ASIC2: variants seen among roughly 807,000 people sequenced by gnomAD.
ASIC2 encodes the protein acid sensing ion channel subunit 2.
Under a neutral mutation model 57.3 loss-of-function variants are expected in ASIC2, and 25 were observed. The ratio of observed to expected loss-of-function variants is 0.44; its 90% confidence interval spans 0.32 to 0.61. The LOEUF is 0.61. Ranked by LOEUF, ASIC2 falls within the 20% of genes least tolerant of loss-of-function variation. The pLI is 0.06. For synonymous variants in ASIC2, 319 were observed against 307.5 expected (o/e 1.04, Z -0.39); for missense variants, 641 against 738.1 (o/e 0.87, Z 1.52).
chr17:33,487,708 C>T (rs1376898166), intron 1 of ASIC2, among the ~76,000 whole-genome samples: 1 of 152,198 alleles, frequency 6.6e-6, no homozygotes, highest in Non-Finnish European at 1.5e-5. Flanking sequence ...ACCATCTAAC[C>T]AGCTGCCAGC....
chr17:33,991,023 C>A (rs1243909474), intron 1 of ASIC2, among the ~76,000 whole-genome samples: 1 of 152,182 alleles, frequency 6.6e-6, no homozygotes, highest in Non-Finnish European at 1.5e-5. Flanking sequence ...GCATCAAATT[C>A]TCTAGCTTCT....
intron 1 of ASIC2, among the ~76,000 whole-genome samples, chr17:33,795,357 G>A (rs1302201972): frequency 2.0e-5 from 3 of 152,250 alleles, no homozygotes; most frequent in African/African-American, 7.2e-5. Context: ...TGGGAAAGTT[G>A]AGGTCTAACT....
intron 1 of ASIC2, among the ~76,000 whole-genome samples, chr17:33,502,574 CT>C (rs1326822051): frequency 6.6e-6 from 1 of 152,216 alleles, no homozygotes; most frequent in Non-Finnish European, 1.5e-5. Context: ...CAGATTATAG[CT>C]GACAGATTCC....
At chr17:33,146,433 G>A (rs1904567682) in intron 1 of ASIC2, among the ~76,000 whole-genome samples, 1 of 152,176 alleles carries the variant, frequency 6.6e-6, no homozygotes. Context: ...CACTTGGCTG[G>A]CTGCGGACCT....
chr17:33,936,961 C>T (rs952412048), intron 1 of ASIC2: 2 of 152,326 alleles, frequency 1.3e-5, no homozygotes, highest in African/African-American at 2.4e-5. Context: ...CAATTAATTC[C>T]CACCCTCCAC....
intron 1 of ASIC2, among the ~76,000 whole-genome samples, chr17:33,415,798 C>A (rs1158118133): frequency 3.3e-5 from 5 of 152,186 alleles, no homozygotes; most frequent in African/African-American, 1.2e-4. Context: ...TTTTCTTTGT[C>A]CCCATGATGC....
chr17:33,914,939 C>T (rs1192081224), intron 1 of ASIC2, among the ~76,000 whole-genome samples: 2 of 152,162 alleles, frequency 1.3e-5, no homozygotes, highest in Non-Finnish European at 2.9e-5. Flanking sequence ...TAGATACTTT[C>T]GGAAGGCATG....
intron 1 of ASIC2, among the ~76,000 whole-genome samples, chr17:33,806,266 C>G (rs1364739854): frequency 6.6e-6 from 1 of 152,240 alleles, no homozygotes; most frequent in Non-Finnish European, 1.5e-5. Flanking sequence ...AGACAGTACC[C>G]AAACCAATAA....
intron 3 of ASIC2, among the ~76,000 whole-genome samples, chr17:33,042,924 C>A (rs1394474536): frequency 1.3e-5 from 2 of 151,946 alleles, no homozygotes; most frequent in Non-Finnish European, 2.9e-5. Flanking sequence ...TAAACATTAT[C>A]CCTGTTTTGT....
chr17:33,223,451 G>T (rs187530825), intron 1 of ASIC2, among the ~76,000 whole-genome samples: 2 of 152,236 alleles, frequency 1.3e-5, no homozygotes, highest in African/African-American at 4.8e-5. Context: ...CCAAAGTGCT[G>T]GGATTACAGG....
At chr17:33,878,053 T>A (rs1321482095) in intron 1 of ASIC2, among the ~76,000 whole-genome samples, 1 of 152,234 alleles carries the variant, frequency 6.6e-6, no homozygotes, top group Non-Finnish European at 1.5e-5. Flanking sequence ...GGTTCCTGAC[T>A]GTTAGAAGGA....
At chr17:33,040,932 C>T (rs16552) in intron 3 of ASIC2, among the ~76,000 whole-genome samples, 8,890 of 152,158 alleles carry the variant, frequency 0.058, 378 homozygotes, top group Middle Eastern at 0.099. Context: ...GCTGAGTGGT[C>T]CAACCTAATC....
intron 1 of ASIC2, among the ~76,000 whole-genome samples, chr17:33,504,603 G>C (rs778538917): frequency 6.6e-6 from 1 of 152,222 alleles, no homozygotes; most frequent in Non-Finnish European, 1.5e-5. Flanking sequence ...GCCTCCCAAA[G>C]TGCTGGGATT....
intron 1 of ASIC2, among the ~76,000 whole-genome samples, chr17:34,059,187 C>T (rs1286352092): frequency 6.6e-6 from 1 of 152,172 alleles, no homozygotes; most frequent in Non-Finnish European, 1.5e-5. Flanking sequence ...AGTGCTCTAA[C>T]TGCGGAAATG....
intron 1 of ASIC2, among the ~76,000 whole-genome samples, chr17:33,588,756 A>T (rs1904727891): frequency 1.3e-5 from 2 of 152,212 alleles, no homozygotes. Flanking sequence ...CTCCCCAGAT[A>T]TGGAGATGTT....
chr17:33,400,934 A>C (rs1910263394), intron 1 of ASIC2, among the ~76,000 whole-genome samples: 1 of 152,300 alleles, frequency 6.6e-6, no homozygotes, highest in Non-Finnish European at 1.5e-5. Flanking sequence ...CCAAAATCTC[A>C]GTGGATTCTC....
intron 1 of ASIC2, among the ~76,000 whole-genome samples, chr17:33,439,120 A>G (rs1911734324): frequency 6.6e-6 from 1 of 152,180 alleles, no homozygotes; most frequent in South Asian, 2.1e-4. Flanking sequence ...CTGGGATTCC[A>G]GGCATGAGCC....
At chr17:33,858,312 T>A (rs317344) in intron 1 of ASIC2, among the ~76,000 whole-genome samples, 110,808 of 152,038 alleles carry the variant, frequency 0.73, 40,726 homozygotes, top group Admixed American at 0.81. Flanking sequence ...AATGCCTGAA[T>A]TTCCAACTCC....
chr17:33,859,879 G>A (rs1256352941), intron 1 of ASIC2, among the ~76,000 whole-genome samples: 1 of 152,150 alleles, frequency 6.6e-6, no homozygotes, highest in Non-Finnish European at 1.5e-5. Flanking sequence ...TAGAAACGGG[G>A]CCTCACTGTT....
Sources: gnomAD v4.1 joint callset for allele counts (sites outside exome capture counted in the v4.1 genomes callset) on GRCh38, gnomAD v4.1.1 for gene constraint, MANE v1.5 for transcripts, NCBI Gene and HGNC (gene_info 2026-07-23, HGNC 2026-07-21) for gene names.